Variants in SLC26A7 observed in about 807,000 individuals in gnomAD.
SLC26A7 encodes anion exchange transporter.
In SLC26A7, 59 loss-of-function variants were observed where a neutral mutation model predicts 82.5. The observed-to-expected ratio is 0.72, with a 90% CI of 0.58 to 0.89. The LOEUF (loss-of-function observed/expected upper bound fraction) is 0.89. Ranked by LOEUF, SLC26A7 falls within the 40% of genes least tolerant of loss-of-function variation. The pLI is 0.00. For synonymous variants in SLC26A7, 271 were observed against 274.3 expected (o/e 0.99, Z 0.12); for missense variants, 820 against 793.0 (o/e 1.03, Z -0.41).
chr8:91,357,042 A>G (rs1245931184), intron 11 of SLC26A7, among the ~76,000 whole-genome samples: 1 of 152,112 alleles, frequency 6.6e-6, no homozygotes, highest in Non-Finnish European at 1.5e-5. Flanking sequence ...TCCTGCAGTT[A>G]CCTTTACTTA....
At chr8:91,336,516 C>A (rs1356283179) in intron 6 of SLC26A7, among the ~76,000 whole-genome samples, 1 of 151,952 alleles carries the variant, frequency 6.6e-6, no homozygotes, top group Non-Finnish European at 1.5e-5. Flanking sequence ...CATCTCCCCC[C>A]TCCTCCCCCA....
intron 14 of SLC26A7, among the ~76,000 whole-genome samples, chr8:91,368,957 G>A (rs1044770261): frequency 4.6e-5 from 7 of 152,164 alleles, no homozygotes; most frequent in Non-Finnish European, 1.0e-4. Flanking sequence ...TGTAGCACTG[G>A]CTATAAAGAA....
At chr8:91,245,838 C>T (rs772594462), upstream of SLC26A7, among the ~76,000 whole-genome samples, 1 of 152,200 alleles carries the variant, frequency 6.6e-6, no homozygotes, top group Non-Finnish European at 1.5e-5. Context: ...AATTCCCTCA[C>T]ACTTCATAAT....
At chr8:91,256,226 C>G (rs1810798692) in intron 2 of SLC26A7, among the ~76,000 whole-genome samples, 1 of 152,078 alleles carries the variant, frequency 6.6e-6, no homozygotes, top group African/African-American at 2.4e-5. Flanking sequence ...GCATTGTCTT[C>G]CTTCTATTCT....
intron 4 of SLC26A7, among the ~76,000 whole-genome samples, chr8:91,307,370 T>A (rs1451432447): frequency 7.1e-6 from 1 of 140,058 alleles, no homozygotes; most frequent in Non-Finnish European, 1.5e-5. Context: ...TGTGGCATTA[T>A]TCACAATAGC....
intron 4 of SLC26A7, among the ~76,000 whole-genome samples, chr8:91,309,462 ATTTG>A (rs1812415923): frequency 6.6e-6 from 1 of 151,436 alleles, no homozygotes; most frequent in Non-Finnish European, 1.5e-5. Context: ...CTCACCATCC[ATTTG>A]TTTAAGTTAG....
chr8:91,380,349 T>C (rs1389655843), intron 15 of SLC26A7, among the ~76,000 whole-genome samples: 1 of 152,168 alleles, frequency 6.6e-6, no homozygotes, highest in Admixed American at 6.5e-5. Flanking sequence ...GAAATTAATT[T>C]ATGTTTTATA....
chr8:91,348,742 G>A (rs986274946), intron 9 of SLC26A7, among the ~76,000 whole-genome samples: 6 of 152,004 alleles, frequency 3.9e-5, no homozygotes, highest in African/African-American at 1.4e-4. Context: ...AAAGGAACAA[G>A]CTCATCTCTT....
rs748686982 is a variant in SLC26A7, at chr8:91,389,345, T to C, written c.1683T>C (p.Ala561=). ...SLSNGNCNEE[A]SQSCPNEKCY... ...TCTCTGTTTCTCCTACAGAAGAAGC[T>C]TCACAGTCCTGCCCTAATGAGAAGT... Residue 561 remains alanine (A), a synonymous_variant, in exon 16 of 19, where the codon GCT becomes GCC. Coordinates refer to ENST00000276609, the MANE Select transcript of SLC26A7 (RefSeq NM_052832.4). 6.2e-7 allele frequency: 1 copy of C among 1,613,412 alleles called. No individual in the cohort carries two copies. Among genetic ancestry groups the C allele is most frequent in the Non-Finnish European group, 8.5e-7 (1 of 1,179,448 alleles).
intron 2 of SLC26A7, among the ~76,000 whole-genome samples, chr8:91,250,923 G>A (rs1810639887): frequency 1.3e-5 from 2 of 152,002 alleles, no homozygotes; most frequent in South Asian, 2.1e-4. Flanking sequence ...CAATAGAAAT[G>A]CATAGTAATC....
At chr8:91,291,967 T>C (rs1287932875) in intron 3 of SLC26A7, among the ~76,000 whole-genome samples, 1 of 152,186 alleles carries the variant, frequency 6.6e-6, no homozygotes, top group African/African-American at 2.4e-5. Flanking sequence ...TGGGCTTTCC[T>C]ATTAGTTTTT....
chr8:91,251,737 A>C (rs549517768), intron 2 of SLC26A7, among the ~76,000 whole-genome samples: 1 of 152,202 alleles, frequency 6.6e-6, no homozygotes, highest in East Asian at 1.9e-4. Context: ...CCTGGACGTC[A>C]TACCTGATAA....
chr8:91,221,172 G>C (rs1412444598), intron 2 of SLC26A7, among the ~76,000 whole-genome samples: 1 of 152,148 alleles, frequency 6.6e-6, no homozygotes, highest in Admixed American at 6.5e-5. Flanking sequence ...GTCTTCTTTT[G>C]AGAAGCATCT....
intron 8 of SLC26A7, among the ~76,000 whole-genome samples, chr8:91,342,585 A>C (rs950952200): frequency 6.6e-6 from 1 of 152,212 alleles, no homozygotes; most frequent in Non-Finnish European, 1.5e-5. Flanking sequence ...TAAAGCTTTC[A>C]ATCTAAGCAA....
intron 2 of SLC26A7, 87 bp downstream of exon 2, chr8:91,249,931 A>AATTTAGCTAATATCCATTT: frequency 3.0e-6 from 3 of 992,898 alleles, no homozygotes; most frequent in Non-Finnish European, 2.8e-6. Flanking sequence ...TAGAATAAAC[A>AATTTAGCTAATATCCATTT]ATTTAGCTAA....
chr8:91,296,312 G>T (rs536567465), intron 4 of SLC26A7, among the ~76,000 whole-genome samples: 1 of 152,256 alleles, frequency 6.6e-6, no homozygotes, highest in East Asian at 1.9e-4. Flanking sequence ...AAAGCTCAGA[G>T]GTGACTATAA....
intron 4 of SLC26A7, among the ~76,000 whole-genome samples, chr8:91,313,897 T>C (rs1812556594): frequency 6.6e-6 from 1 of 152,246 alleles, no homozygotes; most frequent in Non-Finnish European, 1.5e-5. Flanking sequence ...AATTGTTTCC[T>C]ATGTACTCTT....
At position 91,395,034 on chromosome 8, in the gene SLC26A7, ATACT is replaced by A. The variant is rs778373326; in HGVS notation, c.1936-22_1936-19del. 33 of 1,606,072 alleles carry A rather than the reference ATACT, an allele frequency of 2.1e-5. No homozygotes were observed. In the East Asian group the frequency reaches 3.1e-4, roughly 15 times the overall value. The stretch of plus-strand genomic sequence containing the variant: ...AATTTAAGAGTTGAGTAAATAGCAC[ATACT>A]TACTTCTTCCTCTGGTATTTCAGAA... On this transcript the variant is annotated intron_variant, in intron 18 of 18. Coordinates refer to ENST00000276609, the MANE Select transcript of SLC26A7 (RefSeq NM_052832.4).
At chr8:91,337,220 A>C (rs181015580) in intron 6 of SLC26A7, among the ~76,000 whole-genome samples, 126 of 150,956 alleles carry the variant, frequency 8.3e-4, no homozygotes, top group African/African-American at 3.0e-3. Flanking sequence ...GGAATAGGGG[A>C]AAAAAACCTA....
Sources: gnomAD v4.1 joint callset for allele counts (sites outside exome capture counted in the v4.1 genomes callset) on GRCh38, gnomAD v4.1.1 for gene constraint, MANE v1.5 for transcripts, NCBI Gene and HGNC (gene_info 2026-07-23, HGNC 2026-07-21) for gene names.